The following DMD variants were observed in gnomAD, a reference collection of about 807,000 sequenced individuals.
DMD encodes dystrophin.
In DMD, 63 loss-of-function variants were observed where a neutral mutation model predicts 330.1. The observed-to-expected ratio is 0.19, with a 90% confidence interval of 0.16 to 0.24. The LOEUF is 0.24. Among genes scored for constraint, DMD ranks in the 10% least tolerant of loss-of-function variants. DMD has a pLI of 1.00. For missense variants in DMD, 3,344 were observed against 2,684.1 expected (o/e 1.25, Z -5.43); for synonymous variants, 1,223 against 959.8 (o/e 1.27, Z -5.07).
chrX:31,738,352 T>A (rs780141622), intron 51 of DMD, among the ~76,000 whole-genome samples: 2 of 111,358 alleles, frequency 1.8e-5, no homozygotes, highest in Non-Finnish European at 3.8e-5. Context: ...ACCAGAGAAA[T>A]GAAAATCAAA....
chrX:32,568,969 C>A (rs1603636614), intron 15 of DMD, among the ~76,000 whole-genome samples: 1 of 111,962 alleles, frequency 8.9e-6, no homozygotes, highest in South Asian at 3.8e-4. Context: ...AATAATTAAC[C>A]ATAGGTCTAT....
rs200573597 is a variant in DMD, at chrX:32,502,845, C to CAA, written c.2293-1004_2293-1003insTT. On this transcript the variant is annotated intron_variant, in intron 18 of 78. Transcript: ENST00000357033. Reference sequence around the variant, plus strand: ...CAGATGGGAGGGCAAATAACAGATACATGGACAGTCTGCACCACTGTTGAG... The same window carrying CAA: ...CAGATGGGAGGGCAAATAACAGATACAAATGGACAGTCTGCACCACTGTTGAG... 7.2e-5 allele frequency among the ~76,000 whole-genome samples: 8 copies of CAA among 110,828 alleles called. No homozygotes were observed. In the East Asian group the frequency reaches 2.0e-3, roughly 28 times the overall value.
intron 11 of DMD, among the ~76,000 whole-genome samples, chrX:32,632,751 C>T (rs866423637): frequency 8.0e-5 from 7 of 87,974 alleles, no homozygotes; most frequent in African/African-American, 2.1e-4. Flanking sequence ...GGGGTTGGGG[C>T]GGGGGCACAG....
chrX:32,678,807 G>A (rs1244562335), intron 9 of DMD, among the ~76,000 whole-genome samples: 1 of 111,576 alleles, frequency 9.0e-6, no homozygotes, highest in Non-Finnish European at 1.9e-5. Context: ...TCACTCCTGT[G>A]AATAATTCTA....
chrX:31,284,571 T>TCTTCTTCTTCCTTCTTCTTC (rs2052935493), intron 62 of DMD, among the ~76,000 whole-genome samples: 1 of 79,343 alleles, frequency 1.3e-5, no homozygotes, highest in African/African-American at 4.9e-5. Flanking sequence ...TTCTTCTTCT[T>TCTTCTTCTTCCTTCTTCTTC]CTTCTTCTTC....
chrX:32,476,492 G>A (rs1412912316), intron 21 of DMD, among the ~76,000 whole-genome samples: 1 of 110,842 alleles, frequency 9.0e-6, no homozygotes, highest in Non-Finnish European at 1.9e-5. Context: ...TAGTTTGTGA[G>A]GCAAGCTGGA....
intron 5 of DMD, among the ~76,000 whole-genome samples, chrX:32,821,208 A>G: frequency 9.0e-6 from 1 of 111,654 alleles, no homozygotes; most frequent in Admixed American, 9.6e-5. Flanking sequence ...GCCAATTAGG[A>G]GAGCAACATG....
intron 7 of DMD, among the ~76,000 whole-genome samples, chrX:32,789,209 A>T (rs1451479432): frequency 1.6e-4 from 18 of 112,310 alleles, no homozygotes. Context: ...CTTATGTGAC[A>T]GCTAGTCTAT....
At chrX:32,657,354 A>C (rs1215922423) in intron 9 of DMD, among the ~76,000 whole-genome samples, 3 of 112,305 alleles carry the variant, frequency 2.7e-5, no homozygotes. Flanking sequence ...CAAGTTTATA[A>C]TAAAATTTTC....
At chrX:31,449,763 GATATATATATAT>G (rs59787771) in intron 59 of DMD, among the ~76,000 whole-genome samples, 51 of 62,468 alleles carry the variant, frequency 8.2e-4, no homozygotes, top group East Asian at 9.2e-4. Flanking sequence ...TAAATGGTGT[GATATATATATAT>G]ATATATATAT....
intron 2 of DMD, among the ~76,000 whole-genome samples, chrX:33,014,600 A>G (rs2093764344): frequency 8.9e-6 from 1 of 111,780 alleles, no homozygotes; most frequent in Admixed American, 9.6e-5. Context: ...TTATAGAATC[A>G]AAATTCATGT....
intron 63 of DMD, among the ~76,000 whole-genome samples, chrX:31,245,338 ATT>A (rs1383808189): frequency 9.0e-6 from 1 of 111,576 alleles, no homozygotes; most frequent in Non-Finnish European, 1.9e-5. Context: ...CTTGAGTGGT[ATT>A]TGTTTTCCTC....
intron 1 of DMD, among the ~76,000 whole-genome samples, chrX:33,337,835 A>C (rs185496835): frequency 8.9e-6 from 1 of 112,245 alleles, no homozygotes; most frequent in Non-Finnish European, 1.9e-5. Context: ...AAAAAAAGTT[A>C]CATAACAGCC....
chrX:33,272,766 T>C (rs897827935), intron 1 of DMD, among the ~76,000 whole-genome samples: 1 of 111,030 alleles, frequency 9.0e-6, no homozygotes, highest in Non-Finnish European at 1.9e-5. Flanking sequence ...TGGGAAAGAA[T>C]TGAGACATTA....
At chrX:31,448,915 G>A (rs1602987929) in intron 59 of DMD, among the ~76,000 whole-genome samples, 1 of 112,313 alleles carries the variant, frequency 8.9e-6, no homozygotes, top group Admixed American at 9.4e-5. Context: ...TAAATTGCCT[G>A]TCATATCTTT....
chrX:33,115,565 T>G (rs1208178090), intron 1 of DMD, among the ~76,000 whole-genome samples: 1 of 107,755 alleles, frequency 9.3e-6, no homozygotes, highest in African/African-American at 3.4e-5. Flanking sequence ...AGGCTGGAGC[T>G]CAGTGGCGTG....
rs1764512355 is a variant in DMD, at chrX:33,128,271, G to A, written c.31+83011C>T. ...CATTCTATGGGGTATGGTAAACCTG[G>A]AGGTAGAGTCATAGCCAAGCACAGA... On this transcript the variant is annotated intron_variant, in intron 1 of 78. Coordinates refer to ENST00000357033, the MANE Select transcript of DMD (RefSeq NM_004006.3). The A allele has an allele frequency of 3.6e-6, 4 of 1,115,096 alleles. No homozygotes were observed. In the African/African-American group the frequency reaches 7.2e-5, roughly 20 times the overall value. The allele number at this position is 1,115,096 out of a possible 1,213,427, so 91.9% of individuals were successfully genotyped here.
intron 21 of DMD, among the ~76,000 whole-genome samples, chrX:32,480,364 A>C (rs1438738603): frequency 1.0e-5 from 1 of 99,656 alleles, no homozygotes; most frequent in East Asian, 3.0e-4. Flanking sequence ...CTGTCACATA[A>C]ATTTTATAAA....
chrX:31,932,294 A>G (rs2094866077), intron 45 of DMD, 67 bp from the exon 46 acceptor site: 1 of 834,603 alleles, frequency 1.2e-6, no homozygotes, highest in African/African-American at 2.0e-5. Flanking sequence ...TTGTTAATGC[A>G]AACTGGGACA....
Sources: allele counts gnomAD v4.1 joint callset (sites outside exome capture counted in the v4.1 genomes callset), GRCh38; gene constraint gnomAD v4.1.1; transcripts MANE v1.5; gene names NCBI Gene and HGNC (gene_info 2026-07-23, HGNC 2026-07-21).